The following ASCC3 variants were observed in gnomAD, a reference collection of about 807,000 sequenced individuals.
ASCC3 encodes the protein activating signal cointegrator 1 complex subunit 3.
Under a neutral mutation model 256.3 loss-of-function variants are expected in ASCC3, and 158 were observed. That is an observed-to-expected ratio of 0.62 (90% CI 0.54 to 0.70). ASCC3 has a LOEUF of 0.70. Among genes scored for constraint, ASCC3 ranks in the 30% least tolerant of loss-of-function variants. The pLI, the probability that ASCC3 is intolerant of heterozygous loss-of-function variation, is 0.00. For missense variants in ASCC3, 2,259 were observed against 2,626.0 expected (o/e 0.86, Z 3.05); for synonymous variants, 948 against 883.4 (o/e 1.07, Z -1.30).
chr6:100,847,403 T>C (rs1772436210), intron 4 of ASCC3, among the ~76,000 whole-genome samples: 1 of 152,144 alleles, frequency 6.6e-6, no homozygotes. Context: ...ATTAATGATA[T>C]AATATCTTAC....
At chr6:100,765,867 G>C (rs1781632594) in intron 10 of ASCC3, among the ~76,000 whole-genome samples, 1 of 152,156 alleles carries the variant, frequency 6.6e-6, no homozygotes, top group East Asian at 1.9e-4. Context: ...TGTTTAAAAA[G>C]TTCTATTATC....
At chr6:100,597,809 G>GGAAAAAAAAAAAAAAAAA (rs1772376939) in intron 34 of ASCC3, among the ~76,000 whole-genome samples, 1 of 88,610 alleles carries the variant, frequency 1.1e-5, no homozygotes, top group East Asian at 3.9e-4. Context: ...CGTCTCTACT[G>GGAAAAAAAAAAAAAAAAA]AAAAAAAAAA....
intron 13 of ASCC3, among the ~76,000 whole-genome samples, chr6:100,688,663 T>C (rs1450419101): frequency 6.6e-6 from 1 of 152,192 alleles, no homozygotes; most frequent in Non-Finnish European, 1.5e-5. Context: ...TTTTGACTAT[T>C]TTTGTGCTTG....
intron 33 of ASCC3, among the ~76,000 whole-genome samples, chr6:100,603,164 T>C (rs1024281187): frequency 2.0e-5 from 3 of 151,944 alleles, no homozygotes; most frequent in Non-Finnish European, 4.4e-5. Context: ...TGCACATTAA[T>C]AGAGAAATGA....
intron 9 of ASCC3, 58 bp downstream of exon 9, chr6:100,767,087 T>C: frequency 6.5e-7 from 1 of 1,546,056 alleles, no homozygotes; most frequent in Non-Finnish European, 8.9e-7. Flanking sequence ...ATATTAAAAC[T>C]GCAAATTTAT....
chr6:100,531,333 T>C (rs1582398213), intron 37 of ASCC3, among the ~76,000 whole-genome samples: 2 of 152,196 alleles, frequency 1.3e-5, no homozygotes, highest in East Asian at 3.9e-4. Context: ...CTCCCATAAG[T>C]CCTAGAAGCT....
intron 3 of ASCC3, among the ~76,000 whole-genome samples, chr6:100,860,319 T>A (rs1385072202): frequency 6.6e-6 from 1 of 152,010 alleles, no homozygotes; most frequent in African/African-American, 2.4e-5. Context: ...ATACTATTTT[T>A]AAATAATTTA....
intron 4 of ASCC3, among the ~76,000 whole-genome samples, chr6:100,818,030 T>C (rs1770837142): frequency 6.6e-6 from 1 of 152,008 alleles, no homozygotes; most frequent in Non-Finnish European, 1.5e-5. Flanking sequence ...AAAGCATCAA[T>C]ATAGAAAACG....
chr6:100,767,906 G>C (rs1225868082), intron 8 of ASCC3, among the ~76,000 whole-genome samples: 1 of 151,850 alleles, frequency 6.6e-6, no homozygotes. Context: ...GTGAGCCACC[G>C]CACCCGGCCA....
chr6:100,625,302 A>G lies in ASCC3; in HGVS notation c.4675T>C (p.Leu1559=), dbSNP rs779489994. The stretch of plus-strand genomic sequence containing the variant: ...TGACGTCTTGATGAGACAAATATCA[A>G]AACAGGTTTGGCTGGAGAATGGCTT... ...IRSHSPAKPV[L]IFVSSRRQTR... The change falls in exon 30 of 42, where the codon TTG becomes CTG. Residue 1559 remains leucine, a synonymous_variant. Transcript: ENST00000369162. The G allele has an allele frequency of 5.6e-6, 9 of 1,612,798 alleles. No homozygotes were observed. Among genetic ancestry groups the G allele is most frequent in the Admixed American group, 1.7e-5 (1 of 59,854 alleles).
chr6:100,653,015 TA>T, intron 17 of ASCC3, 126 bp from the exon 18 acceptor site: 1 of 868,568 alleles, frequency 1.2e-6, no homozygotes, highest in South Asian at 1.6e-5. Context: ...TTACAATTTT[TA>T]AAGTACATTT....
Position 100,797,361 on chromosome 6 carries a change from A to G in ASCC3, c.1395+1352T>C, listed in dbSNP as rs146034001. Among the ~76,000 whole-genome samples the G allele has an allele frequency of 1.1e-3, 159 of 151,316 alleles. 1 individual carries two copies. Among genetic ancestry groups the G allele is most frequent in the African/African-American group, 3.5e-3 (143 of 41,298 alleles). ...GCTACTTGGGAGGCTGAGGCAGGAG[A>G]ATTGCTTGAACCCTTGAACCCAGGA... On this transcript the variant is annotated intron_variant, in intron 8 of 41. Coordinates refer to ENST00000369162, the MANE Select transcript of ASCC3 (RefSeq NM_006828.4).
intron 4 of ASCC3, among the ~76,000 whole-genome samples, chr6:100,838,507 T>A (rs776725466): frequency 1.3e-5 from 2 of 152,092 alleles, no homozygotes; most frequent in Non-Finnish European, 2.9e-5. Flanking sequence ...AGAATTTCTA[T>A]GCAAATTGTG....
At position 100,679,649 on chromosome 6, in the gene ASCC3, T is replaced by C. The variant is rs1423851243; in HGVS notation, c.2255A>G (p.Gln752Arg). ...TTCTGCAAGTACATAGTCATGTCCTTGGGTAGGAAAAAAGAAGGGAATATG... is the reference window on the plus strand; with the variant it reads ...TTCTGCAAGTACATAGTCATGTCCTCGGGTAGGAAAAAAGAAGGGAATATG... ...CGHIPFFFPT[Q>R]GHDYVLAEKQ... is the part of the protein sequence containing the mutation. The change falls in exon 14 of 42, where the codon CAA becomes CGA. Residue 752 changes from glutamine to arginine, a missense_variant. Transcript: ENST00000369162. 6.2e-7 allele frequency: 1 copy of C among 1,613,572 alleles called. No homozygotes were observed. Among genetic ancestry groups the C allele is most frequent in the African/African-American group, 1.3e-5 (1 of 74,916 alleles).
At chr6:100,573,846 C>T (rs978545303) in intron 36 of ASCC3, among the ~76,000 whole-genome samples, 38 of 152,104 alleles carry the variant, frequency 2.5e-4, no homozygotes, top group African/African-American at 8.7e-4. Context: ...TATATAAACC[C>T]AATAAAGATT....
intron 3 of ASCC3, chr6:100,859,196 T>C (rs749320808): frequency 1.3e-6 from 1 of 779,990 alleles, no homozygotes; most frequent in Admixed American, 1.7e-5. Context: ...GAATGGACAA[T>C]TCACTTCTAG....
chr6:100,789,683 T>C lies in ASCC3; in HGVS notation c.1395+9030A>G, dbSNP rs1582867524. Among the ~76,000 whole-genome samples, 3 of 152,086 alleles carry C rather than the reference T, an allele frequency of 2.0e-5. No individual in the cohort carries two copies. In the East Asian group the frequency reaches 5.8e-4, roughly 29 times the overall value. On this transcript the variant is annotated intron_variant, in intron 8 of 41. Coordinates refer to ENST00000369162, the MANE Select transcript of ASCC3 (RefSeq NM_006828.4). Reference sequence around the variant, plus strand: ...TATAAGTTTAGAAGAAAGAGGTCCCTATAAGAAAAATATTTTGTTTGAACT... The same window carrying C: ...TATAAGTTTAGAAGAAAGAGGTCCCCATAAGAAAAATATTTTGTTTGAACT...
intron 13 of ASCC3, among the ~76,000 whole-genome samples, chr6:100,682,138 A>C (rs1777340161): frequency 6.6e-6 from 1 of 152,122 alleles, no homozygotes; most frequent in Non-Finnish European, 1.5e-5. Context: ...TATAAAAATA[A>C]ATTTTACCAC....
intron 13 of ASCC3, among the ~76,000 whole-genome samples, chr6:100,682,723 A>T (rs1475053837): frequency 6.6e-6 from 1 of 152,230 alleles, no homozygotes; most frequent in African/African-American, 2.4e-5. Context: ...AAATCCTCTG[A>T]TAATCATTCC....
Sources: allele counts gnomAD v4.1 joint callset (sites outside exome capture counted in the v4.1 genomes callset), GRCh38; gene constraint gnomAD v4.1.1; transcripts MANE v1.5; gene names NCBI Gene and HGNC (gene_info 2026-07-23, HGNC 2026-07-21).